Variants in GPM6A observed in about 807,000 individuals in gnomAD.
The protein encoded by GPM6A is glycoprotein M6A.
A neutral mutation model predicts 32.1 loss-of-function variants in GPM6A; 7 were observed. The observed-to-expected ratio is 0.22, with a 90% CI of 0.12 to 0.41. GPM6A has a LOEUF of 0.41. Ranked by LOEUF, GPM6A falls within the 10% of genes least tolerant of loss-of-function variation. The pLI is 1.00. For synonymous variants in GPM6A, 130 were observed against 123.4 expected, an observed-to-expected ratio of 1.05 and a Z score of -0.35; for missense variants, 235 against 347.2, an observed-to-expected ratio of 0.68 and a Z score of 2.57.
chr4:176,000,633 A>G (rs1741448119), intron 1 of GPM6A, among the ~76,000 whole-genome samples: 1 of 152,214 alleles, frequency 6.6e-6, no homozygotes, highest in Non-Finnish European at 1.5e-5. Flanking sequence ...AATGCTTTTA[A>G]TACAGCTAAT....
chr4:175,928,747 A>G (rs992140963), intron 1 of GPM6A, among the ~76,000 whole-genome samples: 1 of 152,244 alleles, frequency 6.6e-6, no homozygotes, highest in Admixed American at 6.5e-5. Context: ...CAAAAGAGGT[A>G]GAATATAAAC....
intron 1 of GPM6A, among the ~76,000 whole-genome samples, chr4:175,718,385 G>A (rs570545983): frequency 2.5e-4 from 38 of 152,220 alleles, no homozygotes; most frequent in Admixed American, 3.9e-4. Context: ...GGAGGCTGAG[G>A]TGGGAGGATC....
At chr4:175,745,539 T>C (rs1732069044) in intron 1 of GPM6A, among the ~76,000 whole-genome samples, 1 of 152,212 alleles carries the variant, frequency 6.6e-6, no homozygotes, top group Non-Finnish European at 1.5e-5. Context: ...AGCAAGTCCC[T>C]GCCTCAAAAG....
At chr4:175,698,441 TG>T (rs1161753941) in intron 2 of GPM6A, among the ~76,000 whole-genome samples, 1 of 152,212 alleles carries the variant, frequency 6.6e-6, no homozygotes, top group Non-Finnish European at 1.5e-5. Flanking sequence ...CAGCCTCCTC[TG>T]CCTTCTGTTT....
At position 175,653,196 on chromosome 4, in the gene GPM6A, C is replaced by T. The variant is rs145666687; in HGVS notation, c.388-1209G>A. Among the ~76,000 whole-genome samples the T allele has an allele frequency of 9.2e-3, 1,398 of 151,980 alleles. 23 individuals are homozygous for T. Among genetic ancestry groups the T allele is most frequent in the African/African-American group, 0.031 (1,274 of 41,454 alleles). On this transcript the variant is annotated intron_variant, in intron 3 of 6. Coordinates refer to ENST00000393658, the MANE Select transcript of GPM6A (RefSeq NM_201591.3). ...TCAATCCCATGATAGAACTTATGCA[C>T]GTATATTAAAGTTATATTGCGATTA...
rs1740443232 is a variant in GPM6A at position 175,634,094 on chromosome 4, A to G, written c.*811T>C. The stretch of plus-strand genomic sequence containing the variant: ...TAAATCACAAAGAGATCATTCTTCA[A>G]TAGTCTACAGTAGTTATTTCCATTA... On this transcript the variant is annotated 3_prime_UTR_variant, in exon 7 of 7. Coordinates refer to ENST00000393658, the MANE Select transcript of GPM6A (RefSeq NM_201591.3). 2.6e-5 allele frequency: 4 copies of G among 152,546 alleles called. No individual in the cohort carries two copies. 9.4% of individuals were successfully genotyped at this position (152,546 alleles called of 1,614,324 possible).
intron 1 of GPM6A, among the ~76,000 whole-genome samples, chr4:175,905,369 G>GT (rs1172929849): frequency 2.0e-5 from 3 of 151,816 alleles, no homozygotes; most frequent in East Asian, 1.9e-4. Flanking sequence ...AAGGTTCTAA[G>GT]TTTTTTTGTG....
At chr4:175,918,544 T>C (rs889838399) in intron 1 of GPM6A, among the ~76,000 whole-genome samples, 9 of 152,054 alleles carry the variant, frequency 5.9e-5, no homozygotes, top group African/African-American at 2.2e-4. Context: ...CTGGAAAATA[T>C]CTTAAATTAT....
At chr4:175,948,675 C>T (rs905123429) in intron 1 of GPM6A, among the ~76,000 whole-genome samples, 2 of 152,118 alleles carry the variant, frequency 1.3e-5, no homozygotes, top group Non-Finnish European at 2.9e-5. Context: ...AATACAACCA[C>T]ATAAGAAATC....
intron 1 of GPM6A, among the ~76,000 whole-genome samples, chr4:175,800,290 C>A (rs1446053069): frequency 6.6e-6 from 1 of 152,082 alleles, no homozygotes; most frequent in Admixed American, 6.6e-5. Context: ...ATAGCATATA[C>A]CCAAATCTAG....
intron 5 of GPM6A, 75 bp from the exon 6 acceptor site, chr4:175,640,269 T>A (rs1412220758): frequency 6.2e-6 from 7 of 1,135,902 alleles, no homozygotes; most frequent in African/African-American, 6.1e-5. Context: ...GCTACTGTCT[T>A]ATAAACAAGA....
chr4:175,671,508 C>T (rs867093744), intron 3 of GPM6A, among the ~76,000 whole-genome samples: 2 of 68,844 alleles, frequency 2.9e-5, no homozygotes, highest in African/African-American at 9.9e-5. Context: ...AAAAAAAAAG[C>T]AGCATCAGTA....
chr4:175,944,551 C>A (rs1739526349), intron 1 of GPM6A, among the ~76,000 whole-genome samples: 1 of 152,150 alleles, frequency 6.6e-6, no homozygotes, highest in African/African-American at 2.4e-5. Context: ...ACGTACAAGA[C>A]AGAACAGACA....
At chr4:175,661,509 T>C (rs1010892267) in intron 3 of GPM6A, among the ~76,000 whole-genome samples, 1 of 151,588 alleles carries the variant, frequency 6.6e-6, no homozygotes. Flanking sequence ...AAAGGAGCAA[T>C]GAAGAAGGCC....
chr4:175,930,442 G>GGT (rs1560998970), intron 1 of GPM6A, among the ~76,000 whole-genome samples: 3 of 95,266 alleles, frequency 3.1e-5, no homozygotes, highest in African/African-American at 9.3e-5. Context: ...GGGTTTTTTT[G>GGT]TTGTTGTTTT....
At chr4:175,944,156 C>G (rs373364143) in intron 1 of GPM6A, among the ~76,000 whole-genome samples, 2 of 151,954 alleles carry the variant, frequency 1.3e-5, no homozygotes, top group African/African-American at 4.8e-5. Flanking sequence ...ATTTTCATTT[C>G]GATAACAAGT....
intron 1 of GPM6A, among the ~76,000 whole-genome samples, chr4:175,819,389 T>C (rs923968757): frequency 2.0e-5 from 3 of 152,172 alleles, no homozygotes. Flanking sequence ...CAGATGTAGT[T>C]TCCTGCTCTA....
chr4:175,705,462 C>T (rs1272209448), intron 1 of GPM6A, among the ~76,000 whole-genome samples: 1 of 152,184 alleles, frequency 6.6e-6, no homozygotes, highest in African/African-American at 2.4e-5. Context: ...TAACTATCCC[C>T]ACTCTTCCAC....
intron 4 of GPM6A, among the ~76,000 whole-genome samples, chr4:175,649,499 G>C (rs1741659317): frequency 6.6e-6 from 1 of 152,050 alleles, no homozygotes; most frequent in African/African-American, 2.4e-5. Flanking sequence ...TGTTTTTTCA[G>C]TTTAGAATCT....
Sources: allele counts gnomAD v4.1 joint callset (sites outside exome capture counted in the v4.1 genomes callset), GRCh38; gene constraint gnomAD v4.1.1; transcripts MANE v1.5; gene names NCBI Gene and HGNC (gene_info 2026-07-23, HGNC 2026-07-21).